NRP1: variants seen among roughly 807,000 people sequenced by gnomAD.
The protein encoded by NRP1 is neuropilin 1, also known as neuropilin-1.
NRP1 carries 35 observed loss-of-function variants against 106.7 expected under a neutral mutation model. The observed-to-expected ratio is 0.33, with a 90% CI of 0.25 to 0.43. The LOEUF (loss-of-function observed/expected upper bound fraction) is 0.43. NRP1 is among the 20% of genes least tolerant of loss of function. The pLI is 1.00. For missense variants in NRP1, 1,024 were observed against 1,170.4 expected (o/e 0.87, Z 1.83); for synonymous variants, 437 against 417.9 (o/e 1.05, Z -0.56).
Position 33,319,561 on chromosome 10 carries a change from CT to C in NRP1, c.248+11146del, listed in dbSNP as rs1231412598. On this transcript the variant is annotated intron_variant, in intron 2 of 16. Transcript: ENST00000374867. ...TGCTCACTCTTTGCGGTGGTGCCAT[CT>C]TTTTTTTTTCTTTCTTTCTTTCTTT... Among the ~76,000 whole-genome samples, 84 of 142,692 alleles carry C rather than the reference CT, an allele frequency of 5.9e-4. 1 individual carries two copies. The highest frequency in any genetic ancestry group is 1.3e-3 in the African/African-American group (52 of 38,876). The allele number at this position is 142,692 out of a possible 152,430, so 93.6% of individuals were successfully genotyped here.
At chr10:33,225,170 G>T (rs1410249070) in intron 7 of NRP1, among the ~76,000 whole-genome samples, 3 of 152,124 alleles carry the variant, frequency 2.0e-5, no homozygotes, top group African/African-American at 7.2e-5. Context: ...ATCTGTAGCT[G>T]CTTCCATCTT....
chr10:33,199,482 A>T (rs1352085077), intron 11 of NRP1, among the ~76,000 whole-genome samples: 2 of 131,744 alleles, frequency 1.5e-5, no homozygotes, highest in Admixed American at 8.7e-5. Context: ...ACCTCAAGTG[A>T]TCTTCTCGCT....
chr10:33,316,866 G>A (rs1203581213), intron 2 of NRP1, among the ~76,000 whole-genome samples: 3 of 152,242 alleles, frequency 2.0e-5, no homozygotes, highest in African/African-American at 7.2e-5. Flanking sequence ...GGAATGTTAC[G>A]CTGAAGTTAT....
chr10:33,211,441 C>T (rs1296715468), intron 9 of NRP1: 1 of 152,216 alleles, frequency 6.6e-6, no homozygotes, highest in Admixed American at 6.5e-5. Flanking sequence ...CTTTTTCTTC[C>T]CCCCAAACAA....
intron 6 of NRP1, among the ~76,000 whole-genome samples, chr10:33,236,457 A>T (rs780103314): frequency 6.6e-6 from 1 of 152,200 alleles, no homozygotes; most frequent in Admixed American, 6.5e-5. Flanking sequence ...ATTCCATCTG[A>T]TTGTTTATGT....
Position 33,186,500 on chromosome 10 carries a change from A to G in NRP1, c.2063-12T>C, listed in dbSNP as rs1266649829. 2 of 1,604,854 alleles carry G rather than the reference A, an allele frequency of 1.2e-6. No homozygotes were observed. Among genetic ancestry groups the G allele is most frequent in the Non-Finnish European group, 1.7e-6 (2 of 1,174,496 alleles). On this transcript the variant is annotated splice_polypyrimidine_tract_variant and intron_variant, in intron 13 of 16. Coordinates refer to ENST00000374867, the MANE Select transcript of NRP1 (RefSeq NM_003873.7). The stretch of plus-strand genomic sequence containing the variant: ...GAAGTTGCCATCTCCTGCTGTGACA[A>G]AGAACTGTGTTAGGGAGAGTGGCCA...
intron 6 of NRP1, among the ~76,000 whole-genome samples, chr10:33,228,292 A>C (rs1396026645): frequency 2.0e-5 from 3 of 152,170 alleles, no homozygotes; most frequent in Non-Finnish European, 4.4e-5. Flanking sequence ...GAATCTCCTG[A>C]ACCCTGGAGG....
intron 2 of NRP1, among the ~76,000 whole-genome samples, chr10:33,328,598 C>T (rs1231389948): frequency 6.6e-6 from 1 of 152,150 alleles, no homozygotes; most frequent in African/African-American, 2.4e-5. Context: ...ACTGGCTTCC[C>T]TTCTTAAATT....
At chr10:33,221,293 A>G (rs1279096570) in intron 8 of NRP1, among the ~76,000 whole-genome samples, 1 of 152,224 alleles carries the variant, frequency 6.6e-6, no homozygotes, top group African/African-American at 2.4e-5. Flanking sequence ...ACTAAGTAGT[A>G]GTCAGTATCC....
Position 33,263,804 on chromosome 10 carries a change from T to C in NRP1, c.500A>G (p.Tyr167Cys). ...VIKSPGFPEK[Y>C]PNSLECTYIV... ...ATAAGTGCATTCAAGGCTGTTGGGATATTTTTCAGGGAATCCGGGGGACTT... is the reference window on the plus strand; with the variant it reads ...ATAAGTGCATTCAAGGCTGTTGGGACATTTTTCAGGGAATCCGGGGGACTT... Residue 167 changes from tyrosine to cysteine, a missense_variant, in exon 4 of 17, where the codon TAT (tyrosine) becomes TGT (cysteine). Tyr to Cys is a radical substitution (Grantham distance 194). Around this residue, in one of 5 missense-constraint regions of NRP1, gnomAD observed 279 missense variants for 327.4 expected, o/e 0.85. Transcript: ENST00000374867. 1 of 1,614,030 alleles carries C rather than the reference T, an allele frequency of 6.2e-7. No homozygotes were observed. The highest frequency in any genetic ancestry group is 1.7e-5 in the Admixed American group (1 of 60,028).
intron 2 of NRP1, among the ~76,000 whole-genome samples, chr10:33,297,686 CAAA>C (rs10711145): frequency 1.8e-4 from 17 of 95,948 alleles, no homozygotes; most frequent in Admixed American, 1.2e-4. Flanking sequence ...GACTTTGTCT[CAAA>C]AAAAAAAAAA....
chr10:33,186,163 C>T, intron 14 of NRP1, 54 bp downstream of exon 14: 1 of 1,524,546 alleles, frequency 6.6e-7, no homozygotes, highest in South Asian at 1.3e-5. Context: ...TCCAACATAT[C>T]ATCTCAGCAT....
chr10:33,215,503 C>T (rs2300952), intron 8 of NRP1, among the ~76,000 whole-genome samples: 42,745 of 152,130 alleles, frequency 0.28, 6,456 homozygotes, highest in East Asian at 0.62. Flanking sequence ...ATGAATTCAA[C>T]GCTGGCTTAA....
chr10:33,322,228 A>G (rs960616895), intron 2 of NRP1, among the ~76,000 whole-genome samples: 10 of 152,020 alleles, frequency 6.6e-5, no homozygotes, highest in Non-Finnish European at 1.5e-4. Flanking sequence ...GATCAAACCC[A>G]TGTGTGGCCT....
At chr10:33,307,381 C>T (rs1419500189) in intron 2 of NRP1, among the ~76,000 whole-genome samples, 2 of 152,114 alleles carry the variant, frequency 1.3e-5, no homozygotes, top group East Asian at 3.9e-4. Context: ...ACGAGCTGAA[C>T]AGTTGAGATT....
Position 33,248,142 on chromosome 10 carries a change from T to C in NRP1, c.981+5886A>G, listed in dbSNP as rs530336696. ...CCATCTCTACTAAAAATACAAAAAT[T>C]ACCTGGGCTTGGTGGCACACGCCTG... On this transcript the variant is annotated intron_variant, in intron 6 of 16. Coordinates refer to ENST00000374867, the MANE Select transcript of NRP1 (RefSeq NM_003873.7). Among the ~76,000 whole-genome samples the C allele has an allele frequency of 5.3e-5, 8 of 152,136 alleles. No individual in the cohort carries two copies. The South Asian group carries it at 1.7e-3, about 32-fold the overall frequency.
rs1164557074 is a variant in NRP1, at chr10:33,213,712, G to A, written c.1288C>T (p.Pro430Ser). The A allele has an allele frequency of 1.9e-6, 3 of 1,574,990 alleles. No homozygotes were observed. The highest frequency in any genetic ancestry group is 3.7e-5 in the Admixed American group (2 of 54,246). Reference sequence around the variant, plus strand: ...ACCATACCCAACATTCCAGAGCAAGGATAATCTGGGAAGTGAAATGAAACA... The same window carrying A: ...ACCATACCCAACATTCCAGAGCAAGAATAATCTGGGAAGTGAAATGAAACA... ...EVYGCKITDY[P>S]CSGMLGMVSG... Residue 430 changes from proline (P) to serine (S), a missense_variant, in exon 9 of 17, where the codon CCT becomes TCT. Physicochemically the swap from Pro to Ser is moderately conservative, Grantham distance 74. Around this residue, in one of 5 missense-constraint regions of NRP1, gnomAD observed 562 missense variants for 620.3 expected, o/e 0.91. Transcript: ENST00000374867.
intron 2 of NRP1, among the ~76,000 whole-genome samples, chr10:33,310,592 G>T (rs1040710333): frequency 6.6e-6 from 1 of 151,928 alleles, no homozygotes; most frequent in African/African-American, 2.4e-5. Flanking sequence ...CTGTTCTTTC[G>T]GACCCAAAGA....
chr10:33,305,894 G>A (rs12573762), intron 2 of NRP1, among the ~76,000 whole-genome samples: 2 of 151,568 alleles, frequency 1.3e-5, no homozygotes, highest in African/African-American at 2.4e-5. Context: ...TCAGCCTCCC[G>A]AGTAGCTGGG....
Sources: gnomAD v4.1 joint callset for allele counts (sites outside exome capture counted in the v4.1 genomes callset) on GRCh38, gnomAD v4.1.1 for gene constraint, gnomAD v4.1.1 regional missense constraint, MANE v1.5 for transcripts, NCBI Gene and HGNC (gene_info 2026-07-23, HGNC 2026-07-21) for gene names.